FMO1: variants seen among roughly 807,000 people sequenced by gnomAD.
FMO1 encodes flavin containing dimethylaniline monoxygenase 1, also known as flavin-containing monooxygenase 1.
FMO1 carries 36 observed loss-of-function variants against 45.4 expected under a neutral mutation model. That is an observed-to-expected ratio of 0.79 (90% CI 0.61 to 1.05). The LOEUF (loss-of-function observed/expected upper bound fraction) is 1.05. Ranked by LOEUF, FMO1 falls within the 50% of genes least tolerant of loss-of-function variation. The probability of loss-of-function intolerance (pLI) is 0.00; values close to 1 mark genes in which losing one functional copy is unlikely to be tolerated. For missense variants in FMO1, 615 were observed against 640.3 expected (o/e 0.96, Z 0.43); for synonymous variants, 228 against 227.2 (o/e 1.00, Z -0.03).
At chr1:171,278,658 C>T in intron 4 of FMO1, 71 bp from the exon 5 acceptor site, 1 of 1,183,156 alleles carries the variant, frequency 8.5e-7, no homozygotes, top group Non-Finnish European at 1.2e-6. Flanking sequence ...ATGTTATCAA[C>T]TGAAGAATAT....
intron 2 of FMO1, among the ~76,000 whole-genome samples, chr1:171,265,096 TA>T (rs1233279205): frequency 6.6e-6 from 1 of 151,842 alleles, no homozygotes; most frequent in Non-Finnish European, 1.5e-5. Context: ...TCAAATATAA[TA>T]AAAAAGAATC....
At chr1:171,280,240 C>A (rs1486803760) in intron 5 of FMO1, among the ~76,000 whole-genome samples, 1 of 152,154 alleles carries the variant, frequency 6.6e-6, no homozygotes, top group Non-Finnish European at 1.5e-5. Flanking sequence ...TAATTATTTT[C>A]TTTGTAAACA....
chr1:171,278,434 T>A (rs1010493236), intron 4 of FMO1, among the ~76,000 whole-genome samples: 15 of 152,218 alleles, frequency 9.9e-5, no homozygotes, highest in African/African-American at 3.6e-4. Context: ...AAAATGATAA[T>A]GACTCCTTAT....
At chr1:171,268,272 G>T (rs763316019) in intron 3 of FMO1, among the ~76,000 whole-genome samples, 1 of 152,070 alleles carries the variant, frequency 6.6e-6, no homozygotes. Context: ...ATTTTTTAGC[G>T]ATGGGGTCTC....
chr1:171,278,628 C>T, intron 4 of FMO1, 101 bp from the exon 5 acceptor site: 1 of 928,608 alleles, frequency 1.1e-6, no homozygotes. Flanking sequence ...TAAAAATGAC[C>T]AAAATCATCT....
chr1:171,284,087 T>C (rs1265786558), intron 8 of FMO1, among the ~76,000 whole-genome samples: 2 of 152,132 alleles, frequency 1.3e-5, no homozygotes, highest in African/African-American at 4.8e-5. Flanking sequence ...TCTGATTGTT[T>C]TGTGGTTTGA....
chr1:171,276,535 T>C (rs1040951970), intron 4 of FMO1, among the ~76,000 whole-genome samples: 2 of 152,166 alleles, frequency 1.3e-5, no homozygotes, highest in African/African-American at 2.4e-5. Context: ...CACTCCAAAA[T>C]TCCAGAAAGG....
chr1:171,281,850 C>T (rs1661369037), intron 6 of FMO1, 128 bp from the exon 7 acceptor site: 1 of 602,726 alleles, frequency 1.7e-6, no homozygotes, highest in Non-Finnish European at 2.9e-6. Context: ...GTAACATCTC[C>T]CAAGACTTGC....
At chr1:171,276,992 T>C (rs1661138734) in intron 4 of FMO1, among the ~76,000 whole-genome samples, 2 of 152,182 alleles carry the variant, frequency 1.3e-5, no homozygotes, top group Admixed American at 1.3e-4. Context: ...GAGCTTGGAT[T>C]ACTTTAACCA....
At position 171,282,314 on chromosome 1, in the gene FMO1, GGC is replaced by G. The variant is rs777221770; in HGVS notation, c.1165_1166del (p.Ala389CysfsTer9). The G allele has an allele frequency of 1.2e-6, 2 of 1,610,894 alleles. No individual in the cohort carries two copies. The highest frequency in any genetic ancestry group is 4.5e-5 in the East Asian group (2 of 44,804). On this transcript the variant is annotated frameshift_variant, in exon 7 of 9. Transcript: ENST00000617670. LOFTEE classifies it high-confidence loss of function. ...CTACAGGAGAAACACAAGCTCGGTG[GGC>G]TGTTCGAGTCCTGAAAGGTAAGTAT... The part of the protein sequence containing the change: ...IPTGETQARW[A>X]VRVLKGVNKL...
intron 3 of FMO1, among the ~76,000 whole-genome samples, chr1:171,273,916 A>G (rs1171122980): frequency 6.6e-6 from 1 of 152,196 alleles, no homozygotes; most frequent in East Asian, 1.9e-4. Flanking sequence ...CTGTAATCCC[A>G]GCACTTTGGG....
At chr1:171,284,270 G>A (rs910538317) in intron 8 of FMO1, among the ~76,000 whole-genome samples, 1 of 151,482 alleles carries the variant, frequency 6.6e-6, no homozygotes, top group Non-Finnish European at 1.5e-5. Context: ...AAACTTCAAG[G>A]GTTGATCTAT....
intron 3 of FMO1, among the ~76,000 whole-genome samples, chr1:171,269,693 C>T (rs1428999867): frequency 6.6e-6 from 1 of 152,052 alleles, no homozygotes; most frequent in Non-Finnish European, 1.5e-5. Context: ...CCCTAAACTG[C>T]TAAGCAGATA....
At chr1:171,255,942 G>A (rs1389470470) in intron 1 of FMO1, among the ~76,000 whole-genome samples, 3 of 152,056 alleles carry the variant, frequency 2.0e-5, no homozygotes, top group Admixed American at 6.6e-5. Context: ...CATAAAAGTG[G>A]ATATTCTTTA....
chr1:171,283,724 T>G (rs1661491938), intron 8 of FMO1, among the ~76,000 whole-genome samples: 1 of 152,178 alleles, frequency 6.6e-6, no homozygotes, highest in South Asian at 2.1e-4. Context: ...AACAAAATTT[T>G]GTAGCATGTG....
rs760796967 is a variant in FMO1, at chr1:171,282,321, C to T, written c.1171C>T (p.Arg391Ter). 21 of 1,608,426 alleles carry T rather than the reference C, an allele frequency of 1.3e-5. No individual in the cohort carries two copies. The East Asian group carries it at 2.0e-4, about 15-fold the overall frequency. ...TGETQARWAV[R>*]VLKGVNKLPP... ...AGAAACACAAGCTCGGTGGGCTGTT[C>T]GAGTCCTGAAAGGTAAGTATAAGAA... The change falls in exon 7 of 9, where the codon CGA becomes TGA. Residue 391 changes from arginine (R) to a stop codon, truncating the protein, a stop_gained. Transcript: ENST00000617670. LOFTEE classifies it high-confidence loss of function.
At chr1:171,265,712 A>AT (rs28360379) in intron 2 of FMO1, among the ~76,000 whole-genome samples, 3 of 152,160 alleles carry the variant, frequency 2.0e-5, no homozygotes, top group South Asian at 4.1e-4. Context: ...TTAAATACAC[A>AT]TTTTTTTATA....
intron 2 of FMO1, among the ~76,000 whole-genome samples, chr1:171,263,706 T>A (rs997183106): frequency 1.3e-5 from 2 of 152,168 alleles, no homozygotes; most frequent in African/African-American, 4.8e-5. Flanking sequence ...CCCCATCCAT[T>A]TTTAGAGGGC....
chr1:171,270,946 C>G (rs1350873098), intron 3 of FMO1: 5 of 845,108 alleles, frequency 5.9e-6, no homozygotes, highest in Non-Finnish European at 9.7e-6. Flanking sequence ...ACCGCTAGAA[C>G]CAACTTATTC....
Sources: allele counts gnomAD v4.1 joint callset (sites outside exome capture counted in the v4.1 genomes callset), GRCh38; gene constraint gnomAD v4.1.1; transcripts MANE v1.5; gene names NCBI Gene and HGNC (gene_info 2026-07-23, HGNC 2026-07-21).